The following LRRTM4 variants were observed in gnomAD, a reference collection of about 807,000 sequenced individuals.
The protein encoded by LRRTM4 is leucine rich repeat transmembrane neuronal 4, also known as leucine-rich repeat transmembrane neuronal protein 4.
In LRRTM4, 25 loss-of-function variants were observed where a neutral mutation model predicts 47.6. The ratio of observed to expected loss-of-function variants is 0.53; its 90% CI spans 0.38 to 0.73. The LOEUF is 0.73. Ranked by LOEUF, LRRTM4 falls within the 30% of genes least tolerant of loss-of-function variation. The pLI, the probability that LRRTM4 is intolerant of heterozygous loss-of-function variation, is 0.00. For missense variants in LRRTM4, 638 were observed against 713.4 expected (o/e 0.89, Z 1.20); for synonymous variants, 311 against 269.5 (o/e 1.15, Z -1.51).
At chr2:76,849,180 G>A (rs756997940) in intron 3 of LRRTM4, among the ~76,000 whole-genome samples, 1 of 152,066 alleles carries the variant, frequency 6.6e-6, no homozygotes, top group Non-Finnish European at 1.5e-5. Flanking sequence ...AGAGTAATGT[G>A]GGGGGTGACA....
intron 3 of LRRTM4, among the ~76,000 whole-genome samples, chr2:76,874,040 C>T (rs185781365): frequency 6.6e-6 from 1 of 151,882 alleles, no homozygotes; most frequent in East Asian, 1.9e-4. Flanking sequence ...TTTACTCCCC[C>T]CAGAGCTTCA....
At chr2:77,507,870 G>C (rs76030648) in intron 3 of LRRTM4, among the ~76,000 whole-genome samples, 1 of 152,008 alleles carries the variant, frequency 6.6e-6, no homozygotes. Context: ...TTACCATGAC[G>C]ACAGCAAAGT....
chr2:77,382,622 A>G (rs966767710), intron 3 of LRRTM4, among the ~76,000 whole-genome samples: 4 of 152,124 alleles, frequency 2.6e-5, no homozygotes, highest in African/African-American at 7.2e-5. Flanking sequence ...TTCATGAAGT[A>G]TGCAAAAACA....
At chr2:77,253,789 T>C (rs1172810164) in intron 3 of LRRTM4, among the ~76,000 whole-genome samples, 2 of 151,474 alleles carry the variant, frequency 1.3e-5, no homozygotes, top group Admixed American at 6.6e-5. Context: ...TAATCTTCAT[T>C]TTTTAAAAAA....
At chr2:76,792,224 A>T (rs761051270) in intron 3 of LRRTM4, among the ~76,000 whole-genome samples, 2 of 152,118 alleles carry the variant, frequency 1.3e-5, no homozygotes, top group African/African-American at 4.8e-5. Context: ...TTCAGAATTT[A>T]AAAAATGTTA....
chr2:77,365,129 T>C (rs1294079306), intron 3 of LRRTM4, among the ~76,000 whole-genome samples: 1 of 152,080 alleles, frequency 6.6e-6, no homozygotes, highest in Non-Finnish European at 1.5e-5. Flanking sequence ...TCTTCTCTTT[T>C]CACAGGTAAA....
chr2:77,301,628 A>C (rs1355652919), intron 3 of LRRTM4, among the ~76,000 whole-genome samples: 1 of 152,216 alleles, frequency 6.6e-6, no homozygotes. Flanking sequence ...GTTGAACTAT[A>C]ATTGCAGTCG....
chr2:77,499,391 A>G (rs1351026359), intron 3 of LRRTM4, among the ~76,000 whole-genome samples: 1 of 151,856 alleles, frequency 6.6e-6, no homozygotes, highest in African/African-American at 2.4e-5. Flanking sequence ...CTGAGGTCAC[A>G]TTGTCCTGGT....
chr2:76,816,382 GC>G (rs1379656099), intron 3 of LRRTM4, among the ~76,000 whole-genome samples: 5 of 151,836 alleles, frequency 3.3e-5, no homozygotes, highest in Non-Finnish European at 7.4e-5. Context: ...TGAGCTGACT[GC>G]TCATCACAAG....
chr2:77,061,335 C>T (rs539616560), intron 3 of LRRTM4, among the ~76,000 whole-genome samples: 10 of 152,170 alleles, frequency 6.6e-5, no homozygotes, highest in African/African-American at 2.4e-4. Flanking sequence ...TAAGGCTGCT[C>T]TCAACAGTTC....
intron 3 of LRRTM4, among the ~76,000 whole-genome samples, chr2:77,088,502 C>A (rs1680804143): frequency 6.6e-6 from 1 of 152,092 alleles, no homozygotes; most frequent in African/African-American, 2.4e-5. Context: ...GAGAACAAAC[C>A]CCCTTTGACT....
chr2:76,827,327 T>C (rs990045924), intron 3 of LRRTM4, among the ~76,000 whole-genome samples: 1 of 151,832 alleles, frequency 6.6e-6, no homozygotes, highest in Non-Finnish European at 1.5e-5. Flanking sequence ...TTGGGGTCTT[T>C]AAAGAGAAGG....
intron 3 of LRRTM4, among the ~76,000 whole-genome samples, chr2:76,893,039 T>C (rs1157594660): frequency 6.8e-6 from 1 of 146,798 alleles, no homozygotes; most frequent in African/African-American, 2.5e-5. Context: ...ATCATAATCA[T>C]TGTCAGCAGA....
intron 3 of LRRTM4, among the ~76,000 whole-genome samples, chr2:76,847,472 A>G (rs1022368387): frequency 2.6e-5 from 4 of 152,040 alleles, no homozygotes; most frequent in African/African-American, 9.7e-5. Flanking sequence ...CCCCTTTTCT[A>G]TATAGGTTTT....
At chr2:77,208,998 AC>A (rs1316077624) in intron 3 of LRRTM4, among the ~76,000 whole-genome samples, 1 of 151,908 alleles carries the variant, frequency 6.6e-6, no homozygotes, top group Admixed American at 6.6e-5. Context: ...GTGAAATTTC[AC>A]CCCTTATCTA....
rs192283272 is a variant in LRRTM4 at position 76,773,850 on chromosome 2, C to T, written c.1552-24934G>A. ...TAGACAAAATTACGAATAATGGTAG[C>T]AGAGGTTTGATCCTGGAATCAATAA... is the stretch of plus-strand genomic sequence containing the variant. On this transcript the variant is annotated intron_variant, in intron 3 of 3. Coordinates refer to ENST00000409884, the MANE Select transcript of LRRTM4 (RefSeq NM_001134745.3). Among the ~76,000 whole-genome samples, 335 of 150,970 alleles carry T rather than the reference C, an allele frequency of 2.2e-3. 1 individual carries two copies. Among genetic ancestry groups the T allele is most frequent in the South Asian group, 0.012 (60 of 4,802 alleles).
At chr2:77,002,337 T>A (rs913835299) in intron 3 of LRRTM4, among the ~76,000 whole-genome samples, 1 of 152,130 alleles carries the variant, frequency 6.6e-6, no homozygotes, top group African/African-American at 2.4e-5. Context: ...AAATCATGTG[T>A]TAATGAGAGT....
chr2:77,022,075 T>G (rs749241020), intron 3 of LRRTM4, among the ~76,000 whole-genome samples: 2 of 152,112 alleles, frequency 1.3e-5, no homozygotes, highest in African/African-American at 4.8e-5. Flanking sequence ...TTAATTGGAC[T>G]TAAAGTTCCA....
chr2:77,250,022 A>T (rs1006492024), intron 3 of LRRTM4, among the ~76,000 whole-genome samples: 3 of 152,346 alleles, frequency 2.0e-5, no homozygotes, highest in Non-Finnish European at 2.9e-5. Context: ...ATCAAAAGAC[A>T]TGAAGGAAAC....
Sources: gnomAD v4.1 joint callset for allele counts (sites outside exome capture counted in the v4.1 genomes callset) on GRCh38, gnomAD v4.1.1 for gene constraint, MANE v1.5 for transcripts, NCBI Gene and HGNC (gene_info 2026-07-23, HGNC 2026-07-21) for gene names.